MYO1D: variants seen among roughly 807,000 people sequenced by gnomAD.
MYO1D encodes the protein unconventional myosin-Id.
In MYO1D, 83 loss-of-function variants were observed where a neutral mutation model predicts 122.0. The observed-to-expected ratio is 0.68, with a 90% confidence interval of 0.57 to 0.82. The LOEUF (loss-of-function observed/expected upper bound fraction) is 0.82, where lower values mean the gene tolerates loss of function less well. Among genes scored for constraint, MYO1D ranks in the 40% least tolerant of loss-of-function variants. MYO1D has a pLI of 0.00. For synonymous variants in MYO1D, 464 were observed against 446.9 expected (o/e 1.04, Z -0.48); for missense variants, 1,157 against 1,269.5 (o/e 0.91, Z 1.35).
chr17:32,565,068 A>G (rs906021752), intron 21 of MYO1D, among the ~76,000 whole-genome samples: 1 of 152,172 alleles, frequency 6.6e-6, no homozygotes, highest in Non-Finnish European at 1.5e-5. Flanking sequence ...TAGTGGCGCA[A>G]TCTCAGCTCA....
intron 13 of MYO1D, among the ~76,000 whole-genome samples, chr17:32,740,898 A>G (rs2089764441): frequency 6.6e-6 from 1 of 152,206 alleles, no homozygotes; most frequent in Non-Finnish European, 1.5e-5. Context: ...TCTGGCTAAC[A>G]AGACAGCAGT....
chr17:32,845,881 GA>G (rs2090933534), intron 1 of MYO1D, among the ~76,000 whole-genome samples: 1 of 151,686 alleles, frequency 6.6e-6, no homozygotes, highest in Non-Finnish European at 1.5e-5. Flanking sequence ...TAAAGTAAAG[GA>G]AAATATTATT....
intron 1 of MYO1D, among the ~76,000 whole-genome samples, chr17:32,829,261 C>A (rs1200497926): frequency 6.6e-6 from 1 of 152,172 alleles, no homozygotes; most frequent in Non-Finnish European, 1.5e-5. Context: ...CATTTACCTC[C>A]CCACCTTTTG....
rs549186886 is a variant in MYO1D, at chr17:32,643,823, G to T, written c.2596-4988C>A. Among the ~76,000 whole-genome samples the T allele has an allele frequency of 8.6e-5, 13 of 151,826 alleles. No individual in the cohort carries two copies. The East Asian group carries it at 1.2e-3, about 14-fold the overall frequency. On this transcript the variant is annotated intron_variant, in intron 19 of 21. Transcript: ENST00000318217. Reference sequence around the variant, plus strand: ...GATTCTTCTCTCTTTTCTTCTTTATGAGTCTTGCTAGTGGTCTATCAATTT... The same window carrying T: ...GATTCTTCTCTCTTTTCTTCTTTATTAGTCTTGCTAGTGGTCTATCAATTT...
In MYO1D at chr17:32,876,920, G is replaced by A. The variant is rs1225246272; in HGVS notation, c.-48C>T. Reference sequence around the variant, plus strand: ...TGGGCGCGCTCGGGCCTCCGGGGCCGCTCCGTGGGCCCGCGATGAGCTCGG... The same window carrying A: ...TGGGCGCGCTCGGGCCTCCGGGGCCACTCCGTGGGCCCGCGATGAGCTCGG... On this transcript the variant is annotated 5_prime_UTR_variant, in exon 1 of 22. Transcript: ENST00000318217. 2.5e-5 allele frequency: 31 copies of A among 1,240,274 alleles called. No homozygotes were observed. The highest frequency in any genetic ancestry group is 3.2e-5 in the Non-Finnish European group (30 of 932,196). The allele number at this position is 1,240,274 out of a possible 1,614,324, so 76.8% of individuals were successfully genotyped here.
intron 21 of MYO1D, among the ~76,000 whole-genome samples, chr17:32,593,575 G>A (rs1283561035): frequency 6.6e-6 from 1 of 152,132 alleles, no homozygotes; most frequent in African/African-American, 2.4e-5. Context: ...CCACTCCCAG[G>A]TCTGTGTGTT....
At chr17:32,847,715 A>G (rs145573523) in intron 1 of MYO1D, among the ~76,000 whole-genome samples, 223 of 152,182 alleles carry the variant, frequency 1.5e-3, no homozygotes, top group African/African-American at 5.2e-3. Flanking sequence ...GGGTTTTGCC[A>G]TGTTGCCCAG....
At position 32,494,882 on chromosome 17, in the gene MYO1D, G is replaced by A. The variant is rs1157648830; in HGVS notation, c.2898C>T (p.Asn966=). The change falls in exon 22 of 22, where the codon AAC becomes AAT. Residue 966 remains asparagine (N), a synonymous_variant. Coordinates refer to ENST00000318217, the MANE Select transcript of MYO1D (RefSeq NM_015194.3). ...TCCCGTGCAGGCTGCACTGTACTGG[G>A]TTGGTGACGTTCACTTGAAGGTGGC... ...EKRHLQVNVT[N]PVQCSLHGKK... is the part of the protein sequence containing the mutation. 2 of 1,608,564 alleles carry A rather than the reference G, an allele frequency of 1.2e-6. No homozygotes were observed. Among genetic ancestry groups the A allele is most frequent in the East Asian group, 2.2e-5 (1 of 44,598 alleles).
chr17:32,639,560 G>C (rs896644906), intron 19 of MYO1D, among the ~76,000 whole-genome samples: 6 of 151,946 alleles, frequency 3.9e-5, no homozygotes, highest in African/African-American at 4.8e-5. Flanking sequence ...AAAAAGATGA[G>C]GGTCTCACTC....
intron 20 of MYO1D, among the ~76,000 whole-genome samples, chr17:32,610,108 A>C (rs1321009922): frequency 6.6e-6 from 1 of 152,192 alleles, no homozygotes; most frequent in Non-Finnish European, 1.5e-5. Flanking sequence ...CATTAGCTGC[A>C]GGGGTTCAGG....
At position 32,633,028 on chromosome 17, in the gene MYO1D, C is replaced by T. The variant is rs554985642; in HGVS notation, c.2709+5694G>A. Among the ~76,000 whole-genome samples the T allele has an allele frequency of 5.0e-5, 7 of 139,666 alleles. No individual in the cohort carries two copies. The South Asian group carries it at 1.0e-3, about 21-fold the overall frequency. 91.6% of individuals were successfully genotyped at this position (139,666 alleles called of 152,430 possible). ...AATTTAAAAACATACTACCAAACTA[C>T]TCATGGCTTAAAGAGGAACTCACAA... On this transcript the variant is annotated intron_variant, in intron 20 of 21. Coordinates refer to ENST00000318217, the MANE Select transcript of MYO1D (RefSeq NM_015194.3).
At chr17:32,849,772 C>T (rs1274471361) in intron 1 of MYO1D, among the ~76,000 whole-genome samples, 1 of 151,654 alleles carries the variant, frequency 6.6e-6, no homozygotes, top group Admixed American at 6.6e-5. Flanking sequence ...ATGTAACTAA[C>T]CTGCACAATG....
intron 1 of MYO1D, among the ~76,000 whole-genome samples, chr17:32,834,751 C>T (rs930592612): frequency 2.0e-5 from 3 of 152,208 alleles, no homozygotes; most frequent in African/African-American, 7.2e-5. Flanking sequence ...CGGTAGCTCC[C>T]ACCTTTAATC....
intron 21 of MYO1D, among the ~76,000 whole-genome samples, chr17:32,534,280 C>T (rs1910594347): frequency 6.6e-6 from 1 of 152,160 alleles, no homozygotes; most frequent in Non-Finnish European, 1.5e-5. Flanking sequence ...GATTCTCCTG[C>T]CTCATCCTCC....
chr17:32,828,500 A>G (rs566057450), intron 1 of MYO1D, among the ~76,000 whole-genome samples: 55 of 139,528 alleles, frequency 3.9e-4, no homozygotes, highest in South Asian at 1.3e-3. Context: ...TGGACGACAG[A>G]GCGAGACTCC....
In MYO1D at chr17:32,659,174, C is replaced by T. The variant is rs745367684; in HGVS notation, c.2286G>A (p.Trp762Ter). 1 of 1,614,132 alleles carries T rather than the reference C, an allele frequency of 6.2e-7. No homozygotes were observed. The highest frequency in any genetic ancestry group is 1.1e-5 in the South Asian group (1 of 91,082). ...TMRDYGKHVK[W>*]PSPPKVLRRF... The stretch of plus-strand genomic sequence containing the variant: ...GGCGAAGAACTTTAGGAGGGCTTGG[C>T]CACTTCACGTGCTTCCCGTAGTCTC... The change falls in exon 17 of 22, where the codon TGG becomes TGA. Residue 762 changes from tryptophan (W) to a stop codon, truncating the protein, a stop_gained. Transcript: ENST00000318217. LOFTEE classifies it high-confidence loss of function.
intron 20 of MYO1D, among the ~76,000 whole-genome samples, chr17:32,626,593 G>T (rs1272543882): frequency 6.6e-6 from 1 of 152,088 alleles, no homozygotes; most frequent in African/African-American, 2.4e-5. Flanking sequence ...GTGACTTTTG[G>T]TACTATAAAT....
chr17:32,801,262 ATTCT>A (rs2090458296), intron 1 of MYO1D, among the ~76,000 whole-genome samples: 1 of 152,232 alleles, frequency 6.6e-6, no homozygotes, highest in Admixed American at 6.5e-5. Context: ...AACTACTAAT[ATTCT>A]TATTTTAAAA....
chr17:32,503,474 A>ACTT (rs1346163682), intron 21 of MYO1D, among the ~76,000 whole-genome samples: 1 of 152,212 alleles, frequency 6.6e-6, no homozygotes. Flanking sequence ...TAACAAATGC[A>ACTT]CTTCAAGGGA....
Sources: gnomAD v4.1 joint callset for allele counts (sites outside exome capture counted in the v4.1 genomes callset) on GRCh38, gnomAD v4.1.1 for gene constraint, MANE v1.5 for transcripts, NCBI Gene and HGNC (gene_info 2026-07-23, HGNC 2026-07-21) for gene names.